The following EPHA3 variants were observed in gnomAD, a reference collection of about 807,000 sequenced individuals.
EPHA3 encodes the protein ephrin type-A receptor 3.
In EPHA3, 42 loss-of-function variants were observed where a neutral mutation model predicts 107.1. The ratio of observed to expected loss-of-function variants is 0.39; its 90% CI spans 0.31 to 0.51. The LOEUF is 0.51. Among genes scored for constraint, EPHA3 ranks in the 20% least tolerant of loss-of-function variants. The pLI is 0.78. For missense variants in EPHA3, 1,183 were observed against 1,211.2 expected (o/e 0.98, Z 0.35); for synonymous variants, 461 against 424.8 (o/e 1.09, Z -1.05).
At chr3:89,182,708 G>A (rs1483122583) in intron 2 of EPHA3, among the ~76,000 whole-genome samples, 1 of 151,824 alleles carries the variant, frequency 6.6e-6, no homozygotes, top group East Asian at 1.9e-4. Context: ...CCTGGAAATA[G>A]TCTATGTATG....
chr3:89,238,393 A>C (rs749112828), intron 3 of EPHA3, among the ~76,000 whole-genome samples: 1 of 152,184 alleles, frequency 6.6e-6, no homozygotes, highest in Non-Finnish European at 1.5e-5. Context: ...AGTAGCTTGA[A>C]ATCTCATAGA....
At chr3:89,226,113 C>T (rs1704496540) in intron 3 of EPHA3, among the ~76,000 whole-genome samples, 1 of 152,086 alleles carries the variant, frequency 6.6e-6, no homozygotes, top group African/African-American at 2.4e-5. Context: ...TTAGAAACAT[C>T]ATTGCTTTAA....
intron 11 of EPHA3, among the ~76,000 whole-genome samples, chr3:89,420,279 A>G (rs1190731268): frequency 6.6e-6 from 1 of 151,482 alleles, no homozygotes; most frequent in Admixed American, 6.6e-5. Flanking sequence ...CATATTTTTC[A>G]TAATTATATT....
At chr3:89,163,258 C>T (rs553063900) in intron 2 of EPHA3, among the ~76,000 whole-genome samples, 6 of 152,140 alleles carry the variant, frequency 3.9e-5, no homozygotes, top group South Asian at 4.1e-4. Context: ...AGGACTTAAG[C>T]GCCTAGTACA....
intron 13 of EPHA3, among the ~76,000 whole-genome samples, chr3:89,438,594 A>G (rs1709720318): frequency 6.6e-6 from 1 of 152,226 alleles, no homozygotes. Context: ...CAAAATTGGT[A>G]TAATACAAAA....
intron 7 of EPHA3, among the ~76,000 whole-genome samples, chr3:89,401,506 A>G (rs996045205): frequency 1.3e-5 from 2 of 152,248 alleles, no homozygotes; most frequent in African/African-American, 2.4e-5. Context: ...ATAATAAAAT[A>G]TAAGTGTAAC....
chr3:89,470,069 A>G (rs1432879267), intron 15 of EPHA3, among the ~76,000 whole-genome samples: 1 of 151,510 alleles, frequency 6.6e-6, no homozygotes, highest in Non-Finnish European at 1.5e-5. Context: ...TAAAGATTAA[A>G]TTATATATAA....
At chr3:89,426,610 A>G (rs907316029) in intron 11 of EPHA3, among the ~76,000 whole-genome samples, 1 of 151,760 alleles carries the variant, frequency 6.6e-6, no homozygotes, top group African/African-American at 2.4e-5. Context: ...TCCCTTCCCA[A>G]ACATCCCACT....
Position 89,211,737 on chromosome 3 carries a change from CTTCTCCTTCTTCTTCTTCTTCT to C in EPHA3, c.814+1219_814+1240del, listed in dbSNP as rs1704097773. On this transcript the variant is annotated intron_variant, in intron 3 of 16. Coordinates refer to ENST00000336596, the MANE Select transcript of EPHA3 (RefSeq NM_005233.6). Reference sequence around the variant, plus strand: ...TCCTCTTCTTCTTTTTCTTCTTCTTCTTCTCCTTCTTCTTCTTCTTCTTCTTCTTCTTCTTCTTCTTCTTCTT... The same window carrying C: ...TCCTCTTCTTCTTTTTCTTCTTCTTCTCTTCTTCTTCTTCTTCTTCTTCTT... Among the ~76,000 whole-genome samples, 6 of 10,290 alleles carry C rather than the reference CTTCTCCTTCTTCTTCTTCTTCT, an allele frequency of 5.8e-4. No homozygotes were observed. The East Asian group carries it at 0.011, about 18-fold the overall frequency. 6.8% of individuals were successfully genotyped at this position (10,290 alleles called of 152,430 possible).
At chr3:89,406,570 A>G (rs1709058833) in intron 7 of EPHA3, among the ~76,000 whole-genome samples, 1 of 152,236 alleles carries the variant, frequency 6.6e-6, no homozygotes, top group Admixed American at 6.5e-5. Flanking sequence ...ATTTATAGAC[A>G]GCAAAATTTG....
At chr3:89,295,469 T>C (rs1160340353) in intron 3 of EPHA3, among the ~76,000 whole-genome samples, 1 of 152,202 alleles carries the variant, frequency 6.6e-6, no homozygotes, top group Non-Finnish European at 1.5e-5. Flanking sequence ...TATAATGCCA[T>C]TTAACAACAT....
chr3:89,371,367 C>G (rs1407384573), intron 5 of EPHA3, among the ~76,000 whole-genome samples: 4 of 151,614 alleles, frequency 2.6e-5, no homozygotes, highest in Admixed American at 2.0e-4. Flanking sequence ...TGAACATGCC[C>G]TTAACTATCG....
chr3:89,159,415 C>G (rs900868663), intron 2 of EPHA3, among the ~76,000 whole-genome samples: 1 of 152,080 alleles, frequency 6.6e-6, no homozygotes, highest in Non-Finnish European at 1.5e-5. Flanking sequence ...CCACAGCAAG[C>G]ACCACCAAAA....
chr3:89,210,380 AGGTTAGAGG>A lies in EPHA3; in HGVS notation c.676_684del (p.Val226_Gly228del). ...CCCATGGACTCCCAGTCCCTGGTGG[AGGTTAGAGG>A]GTCTTGTGTCAACAATTCTAAGGAG... is the stretch of plus-strand genomic sequence containing the variant. On this transcript the variant is annotated inframe_deletion, in exon 3 of 17. Transcript: ENST00000336596. The A allele has an allele frequency of 6.2e-7, 1 of 1,613,820 alleles. No individual in the cohort carries two copies.
At chr3:89,475,879 C>G (rs1225950248) in intron 16 of EPHA3, among the ~76,000 whole-genome samples, 1 of 151,990 alleles carries the variant, frequency 6.6e-6, no homozygotes, top group African/African-American at 2.4e-5. Flanking sequence ...AATGAGCACA[C>G]AGAGTGTTAT....
At chr3:89,191,299 AT>A (rs200801201) in intron 2 of EPHA3, among the ~76,000 whole-genome samples, 1 of 149,630 alleles carries the variant, frequency 6.7e-6, no homozygotes, top group African/African-American at 2.5e-5. Context: ...TATTTTTTTA[AT>A]TTTTTTTATT....
intron 3 of EPHA3, among the ~76,000 whole-genome samples, chr3:89,239,577 G>A (rs191562499): frequency 6.6e-6 from 1 of 152,082 alleles, no homozygotes; most frequent in Non-Finnish European, 1.5e-5. Flanking sequence ...AAGTAAATGG[G>A]AATTCATAGT....
rs2106931784 is a variant in EPHA3 at position 89,107,700 on chromosome 3, G to C, written c.-49G>C. On this transcript the variant is annotated 5_prime_UTR_variant, in exon 1 of 17. Coordinates refer to ENST00000336596, the MANE Select transcript of EPHA3 (RefSeq NM_005233.6). ...CAGAGCGCTCCCCCTCACATCAGTG[G>C]CATGCTTCATGGAGATATGCTCCTC... 1 of 1,538,314 alleles carries C rather than the reference G, an allele frequency of 6.5e-7. No individual in the cohort carries two copies. Among genetic ancestry groups the C allele is most frequent in the South Asian group, 1.1e-5 (1 of 89,298 alleles).
chr3:89,472,467 A>G lies in EPHA3; in HGVS notation c.2694A>G (p.Pro898=). 3.7e-6 allele frequency: 6 copies of G among 1,613,346 alleles called. No individual in the cohort carries two copies. The highest frequency in any genetic ancestry group is 5.1e-6 in the Non-Finnish European group (6 of 1,179,658). The change falls in exon 16 of 17, where the codon CCA becomes CCG. Residue 898 remains proline (P), a synonymous_variant. Coordinates refer to ENST00000336596, the MANE Select transcript of EPHA3 (RefSeq NM_005233.6). ...TTTGGTGTTTTTTTTCTTGCAGGCC[A>G]TCAAACCTTCTTCTGGACCAAAGCA... ...LKIITSAAAR[P]SNLLLDQSNV... is the part of the protein sequence containing the mutation.
Sources: gnomAD v4.1 joint callset for allele counts (sites outside exome capture counted in the v4.1 genomes callset) on GRCh38, gnomAD v4.1.1 for gene constraint, MANE v1.5 for transcripts, NCBI Gene and HGNC (gene_info 2026-07-23, HGNC 2026-07-21) for gene names.